The following STYXL1 variants were observed in gnomAD, a reference collection of about 807,000 sequenced individuals.
STYXL1 encodes the protein serine/threonine/tyrosine interacting like 1.
A neutral mutation model predicts 36.4 loss-of-function variants in STYXL1; 32 were observed. The ratio of observed to expected loss-of-function variants is 0.88; its 90% confidence interval spans 0.66 to 1.18. STYXL1 has a LOEUF of 1.18. Among genes scored for constraint, STYXL1 ranks in the 50% most tolerant of loss-of-function variants. The pLI, the probability that STYXL1 is intolerant of heterozygous loss-of-function variation, is 0.00. For missense variants in STYXL1, 354 were observed against 394.1 expected (o/e 0.90, Z 0.86); for synonymous variants, 133 against 144.1 (o/e 0.92, Z 0.55).
intron 1 of STYXL1, among the ~76,000 whole-genome samples, chr7:76,043,487 G>C (rs1200109718): frequency 6.6e-6 from 1 of 152,058 alleles, no homozygotes; most frequent in Non-Finnish European, 1.5e-5. Flanking sequence ...CACCGAGAGG[G>C]AAAATGGACC....
intron 3 of STYXL1, among the ~76,000 whole-genome samples, chr7:76,026,802 A>T (rs1794769148): frequency 6.6e-6 from 1 of 152,166 alleles, no homozygotes; most frequent in African/African-American, 2.4e-5. Flanking sequence ...CAATCCCAGC[A>T]CTTTGGGTGG....
intron 4 of STYXL1, among the ~76,000 whole-genome samples, chr7:76,021,565 C>T (rs1394511103): frequency 6.6e-6 from 1 of 152,102 alleles, no homozygotes; most frequent in Non-Finnish European, 1.5e-5. Flanking sequence ...ATTATTTCAT[C>T]CCCCTTTCCT....
intron 3 of STYXL1, among the ~76,000 whole-genome samples, chr7:76,024,952 A>G (rs1269060841): frequency 6.7e-6 from 1 of 150,278 alleles, no homozygotes; most frequent in Non-Finnish European, 1.5e-5. Context: ...CTGTCTCAAA[A>G]AAAAAAAAAA....
At chr7:76,031,453 G>A (rs111752261) in intron 1 of STYXL1, among the ~76,000 whole-genome samples, 8,202 of 150,726 alleles carry the variant, frequency 0.054, 706 homozygotes, top group African/African-American at 0.19. Context: ...AGTAGCTCAC[G>A]CCTGTAATCC....
chr7:76,047,473 A>G (rs1472295878), intron 1 of STYXL1, among the ~76,000 whole-genome samples, 189 bp downstream of exon 1: 2 of 152,122 alleles, frequency 1.3e-5, no homozygotes, highest in Non-Finnish European at 2.9e-5. Flanking sequence ...CCTACAACCT[A>G]TTTGCTCATC....
chr7:76,036,351 T>C (rs1748431340), intron 1 of STYXL1, among the ~76,000 whole-genome samples: 1 of 150,124 alleles, frequency 6.7e-6, no homozygotes, highest in Admixed American at 6.6e-5. Context: ...TCTGCCTGCC[T>C]TGGCCTCCCA....
At chr7:76,019,409 G>A (rs2115985341) in intron 4 of STYXL1, among the ~76,000 whole-genome samples, 1 of 151,576 alleles carries the variant, frequency 6.6e-6, no homozygotes, top group Non-Finnish European at 1.5e-5. Context: ...TGATCCTCCT[G>A]CCTCAGCCTC....
intron 3 of STYXL1, among the ~76,000 whole-genome samples, chr7:76,027,119 A>G (rs1158501582): frequency 6.6e-6 from 1 of 152,106 alleles, no homozygotes; most frequent in Non-Finnish European, 1.5e-5. Flanking sequence ...GAGAACCTCC[A>G]AGTTCAGGGC....
intron 1 of STYXL1, among the ~76,000 whole-genome samples, chr7:76,041,994 C>A (rs1395134747): frequency 6.6e-6 from 1 of 152,106 alleles, no homozygotes; most frequent in African/African-American, 2.4e-5. Context: ...GTATGAAAAC[C>A]GTAGATCAAT....
chr7:76,027,697 A>G (rs1234849665), intron 3 of STYXL1, among the ~76,000 whole-genome samples: 1 of 152,144 alleles, frequency 6.6e-6, no homozygotes, highest in African/African-American at 2.4e-5. Context: ...AGAAAAAATA[A>G]TTAAAAACAA....
At chr7:76,007,794 GGCTGTACTCCCGGCTACTCA>G (rs1791979628) in intron 5 of STYXL1, among the ~76,000 whole-genome samples, 1 of 151,514 alleles carries the variant, frequency 6.6e-6, no homozygotes, top group South Asian at 2.1e-4. Context: ...GGTGGCACAT[GGCTGTACTCCCGGCTACTCA>G]GGAGGCTGAA....
intron 5 of STYXL1, among the ~76,000 whole-genome samples, chr7:76,011,135 G>A (rs1792506423): frequency 6.6e-6 from 1 of 152,152 alleles, no homozygotes; most frequent in Admixed American, 6.5e-5. Flanking sequence ...AGGATACCAA[G>A]CCCAGGAGGT....
At chr7:76,009,745 T>C (rs1304141687) in intron 5 of STYXL1, among the ~76,000 whole-genome samples, 1 of 152,188 alleles carries the variant, frequency 6.6e-6, no homozygotes, top group African/African-American at 2.4e-5. Context: ...GGTCTTACTA[T>C]GTTGCCCAGG....
rs369668041 is a variant in STYXL1, at chr7:76,009,387, C to T, written c.454-3983G>A. Among the ~76,000 whole-genome samples the T allele has an allele frequency of 2.2e-4, 33 of 151,078 alleles. 1 individual carries two copies. In the South Asian group the frequency reaches 4.4e-3, roughly 20 times the overall value. On this transcript the variant is annotated intron_variant, in intron 5 of 8. Transcript: ENST00000359697. ...TCTCTCCTATGCCCTCATGTCTGATCGGTGCTACCTCCTAAATCTTTCTTT... is the reference window on the plus strand; with the variant it reads ...TCTCTCCTATGCCCTCATGTCTGATTGGTGCTACCTCCTAAATCTTTCTTT...
chr7:76,015,638 C>T (rs1347947738), intron 4 of STYXL1, among the ~76,000 whole-genome samples: 2 of 152,138 alleles, frequency 1.3e-5, no homozygotes, highest in African/African-American at 4.8e-5. Context: ...ATCCAATATC[C>T]AAAATCTATA....
At chr7:76,033,927 T>C (rs1267948535) in intron 1 of STYXL1, among the ~76,000 whole-genome samples, 1 of 152,200 alleles carries the variant, frequency 6.6e-6, no homozygotes, top group East Asian at 1.9e-4. Flanking sequence ...AGCTTCTCTG[T>C]GCCTCAGTCC....
At position 75,999,551 on chromosome 7, in the gene STYXL1, G is replaced by GTGTGTGTGTGTGTGTA. The variant is rs1421403301; in HGVS notation, c.810+1338_810+1339insTACACACACACACACA. 4.0e-4 allele frequency among the ~76,000 whole-genome samples: 32 copies of GTGTGTGTGTGTGTGTA among 80,130 alleles called. 1 individual carries two copies. The South Asian group carries it at 0.011, about 29-fold the overall frequency. 52.6% of individuals were successfully genotyped at this position (80,130 alleles called of 152,430 possible). On this transcript the variant is annotated intron_variant, in intron 8 of 8. Transcript: ENST00000359697. ...TGTGTGTGTGTGTGTGTGTGTGTGTGTATATTTTTTTTTGAGACAGAGTTT... is the reference window on the plus strand; with the variant it reads ...TGTGTGTGTGTGTGTGTGTGTGTGTGTGTGTGTGTGTGTGTATATATTTTTTTTTGAGACAGAGTTT...
chr7:76,029,319 G>T (rs552563330), intron 2 of STYXL1, among the ~76,000 whole-genome samples: 68 of 151,688 alleles, frequency 4.5e-4, no homozygotes, highest in African/African-American at 1.6e-3. Flanking sequence ...GCTAATTTTT[G>T]TATTTTTAGT....
chr7:76,005,921 AGGGAGGAGGT>A (rs1791702242), intron 5 of STYXL1, among the ~76,000 whole-genome samples: 1 of 144,348 alleles, frequency 6.9e-6, no homozygotes, highest in Admixed American at 6.9e-5. Context: ...GAGGAGGAGG[AGGGAGGAGGT>A]GGAGGAGGAG....
Sources: allele counts gnomAD v4.1 joint callset (sites outside exome capture counted in the v4.1 genomes callset), GRCh38; gene constraint gnomAD v4.1.1; transcripts MANE v1.5; gene names NCBI Gene and HGNC (gene_info 2026-07-23, HGNC 2026-07-21).